The following XPO4 variants were observed in gnomAD, a reference collection of about 807,000 sequenced individuals.
XPO4 encodes exportin 4.
In XPO4, 39 loss-of-function variants were observed where a neutral mutation model predicts 143.0. The observed-to-expected ratio is 0.27, with a 90% CI of 0.21 to 0.36. The LOEUF is 0.36. Ranked by LOEUF, XPO4 falls within the 10% of genes least tolerant of loss-of-function variation. The pLI, the probability that XPO4 is intolerant of heterozygous loss-of-function variation, is 1.00. For synonymous variants in XPO4, 439 were observed against 474.0 expected (o/e 0.93, Z 0.96); for missense variants, 907 against 1,348.0 (o/e 0.67, Z 5.12).
Position 20,781,504 on chromosome 13 carries a change from C to G in XPO4, c.*2218G>C, listed in dbSNP as rs575134743. The G allele has an allele frequency of 1.8e-4, 27 of 152,674 alleles. No individual in the cohort carries two copies. Among genetic ancestry groups the G allele is most frequent in the African/African-American group, 6.5e-4 (27 of 41,550 alleles). The allele number at this position is 152,674 out of a possible 1,614,324, so 9.5% of individuals were successfully genotyped here. A position where few individuals can be genotyped will look rare whatever the true frequency, so the allele number is the denominator to read the frequency against. On this transcript the variant is annotated 3_prime_UTR_variant, in exon 23 of 23. Coordinates refer to ENST00000255305, the MANE Select transcript of XPO4 (RefSeq NM_022459.5). ...TGAAGAAGGTCTTTTTAAACTAAAA[C>G]TAGTCTAATGAAATTACACCTCAGG...
At position 20,898,736 on chromosome 13, in the gene XPO4, G is replaced by A. The variant is rs575686773; in HGVS notation, c.69+3934C>T. Among the ~76,000 whole-genome samples, 50 of 152,162 alleles carry A rather than the reference G, an allele frequency of 3.3e-4. 1 individual carries two copies. The highest frequency in any genetic ancestry group is 9.6e-4 in the African/African-American group (40 of 41,502). On this transcript the variant is annotated intron_variant, in intron 1 of 22. Coordinates refer to ENST00000255305, the MANE Select transcript of XPO4 (RefSeq NM_022459.5). ...GCAAATTCAAGACAATAAATAAAGC[G>A]CTCTTTGGACTGCAAATGAATGTGG...
intron 15 of XPO4, among the ~76,000 whole-genome samples, chr13:20,799,796 A>G (rs2059409064): frequency 6.6e-6 from 1 of 152,252 alleles, no homozygotes; most frequent in African/African-American, 2.4e-5. Context: ...ACTTTCCAAC[A>G]TTAAATTTTA....
chr13:20,821,627 G>C, intron 9 of XPO4, 77 bp downstream of exon 9: 2 of 1,447,526 alleles, frequency 1.4e-6, no homozygotes, highest in Non-Finnish European at 1.9e-6. Flanking sequence ...ATAATTACTT[G>C]TCATGAGAAA....
At chr13:20,866,548 G>C (rs764556339) in intron 2 of XPO4, among the ~76,000 whole-genome samples, 4 of 152,146 alleles carry the variant, frequency 2.6e-5, no homozygotes, top group Non-Finnish European at 4.4e-5. Context: ...TGTGCTGGTG[G>C]CAACTGAATA....
At position 20,843,817 on chromosome 13, in the gene XPO4, T is replaced by C. The variant is rs776781140; in HGVS notation, c.526A>G (p.Ile176Val). The stretch of plus-strand genomic sequence containing the variant: ...CCATGGAATTCCATGCTCAATCCAA[T>C]GTTGCTAGTTTTACTTGAACTTGAA... ...EFSSSSKTSN[I>V]GLSMEFHGNC... Residue 176 changes from isoleucine to valine, a missense_variant, in exon 5 of 23, where the codon ATT becomes GTT. Transcript: ENST00000255305. 4 of 1,613,370 alleles carry C rather than the reference T, an allele frequency of 2.5e-6. No individual in the cohort carries two copies. The highest frequency in any genetic ancestry group is 2.7e-5 in the African/African-American group (2 of 74,926).
chr13:20,849,637 G>A (rs1489869926), intron 4 of XPO4: 53 of 984,940 alleles, frequency 5.4e-5, no homozygotes, highest in Non-Finnish European at 6.3e-5. Context: ...CCACAAGCTT[G>A]AAATAACATT....
chr13:20,815,677 G>A lies in XPO4; in HGVS notation c.1174-5710C>T, dbSNP rs1377824124. 5.3e-5 allele frequency among the ~76,000 whole-genome samples: 8 copies of A among 152,262 alleles called. No homozygotes were observed. In the East Asian group the frequency reaches 9.6e-4, roughly 18 times the overall value. On this transcript the variant is annotated intron_variant, in intron 9 of 22. Transcript: ENST00000255305. ...ATCTTCATATGTAAACATAAATAAC[G>A]TGTTAGATATGTGATTCACAGACAA...
At chr13:20,880,625 T>C (rs533577633) in intron 1 of XPO4, among the ~76,000 whole-genome samples, 1 of 152,230 alleles carries the variant, frequency 6.6e-6, no homozygotes, top group South Asian at 2.1e-4. Context: ...AAACAAAACA[T>C]TGTATATTCA....
intron 1 of XPO4, among the ~76,000 whole-genome samples, chr13:20,895,396 C>T (rs1423323608): frequency 2.0e-5 from 3 of 152,102 alleles, no homozygotes; most frequent in Non-Finnish European, 4.4e-5. Flanking sequence ...CTTTGGGAGG[C>T]TGAAGCTGGC....
chr13:20,812,216 C>T (rs928752629), intron 9 of XPO4, among the ~76,000 whole-genome samples: 1 of 151,928 alleles, frequency 6.6e-6, no homozygotes, highest in Non-Finnish European at 1.5e-5. Context: ...ACTAAAAACA[C>T]AAAAATTAGC....
chr13:20,872,136 T>C (rs2060304860), intron 1 of XPO4, among the ~76,000 whole-genome samples: 1 of 151,840 alleles, frequency 6.6e-6, no homozygotes, highest in East Asian at 1.9e-4. Flanking sequence ...AGGCTGGGAG[T>C]CAAAACCAAA....
intron 20 of XPO4, 75 bp from the exon 21 acceptor site, chr13:20,787,673 A>G (rs1372394964): frequency 8.4e-7 from 1 of 1,191,238 alleles, no homozygotes; most frequent in Non-Finnish European, 1.2e-6. Flanking sequence ...TATAGCTAGT[A>G]TTAAATGGAT....
In XPO4 at chr13:20,783,442, T is replaced by A. The variant is rs775245233; in HGVS notation, c.*280A>T. 1.4e-4 allele frequency: 64 copies of A among 446,456 alleles called. No individual in the cohort carries two copies. The highest frequency in any genetic ancestry group is 4.4e-5 in the Non-Finnish European group (11 of 247,642). 27.7% of individuals were successfully genotyped at this position (446,456 alleles called of 1,614,324 possible). ...GCATATGTATTTCGTGGTGCCCATA[T>A]CTGTTTGCACATATATGGAATTTCA... is the stretch of plus-strand genomic sequence containing the variant. On this transcript the variant is annotated 3_prime_UTR_variant, in exon 23 of 23. Coordinates refer to ENST00000255305, the MANE Select transcript of XPO4 (RefSeq NM_022459.5).
intron 6 of XPO4, among the ~76,000 whole-genome samples, chr13:20,828,169 C>T (rs1317200233): frequency 1.3e-5 from 2 of 150,882 alleles, no homozygotes; most frequent in African/African-American, 2.4e-5. Context: ...AACACTCTCC[C>T]GCAGAGGTTG....
At position 20,851,408 on chromosome 13, in the gene XPO4, C is replaced by A. The variant is rs934672622; in HGVS notation, c.456+4219G>T. ...TTCCTACTATTACAGTAGTTCTCAG[C>A]CCTGGTATTAAAAATTTGACTTTAG... is the stretch of plus-strand genomic sequence containing the variant. On this transcript the variant is annotated intron_variant, in intron 4 of 22. Transcript: ENST00000255305. The A allele has an allele frequency of 2.4e-5, 24 of 985,186 alleles. No homozygotes were observed. The East Asian group carries it at 4.5e-4, about 19-fold the overall frequency. 61.0% of individuals were successfully genotyped at this position (985,186 alleles called of 1,614,324 possible).
chr13:20,827,304 T>A, intron 6 of XPO4, 125 bp from the exon 7 acceptor site: 2 of 659,746 alleles, frequency 3.0e-6, no homozygotes, highest in Non-Finnish European at 5.4e-6. Flanking sequence ...CCTCTTCACA[T>A]ATGCTACATA....
chr13:20,811,026 T>A (rs535863616), intron 9 of XPO4, among the ~76,000 whole-genome samples: 1 of 152,138 alleles, frequency 6.6e-6, no homozygotes, highest in South Asian at 2.1e-4. Flanking sequence ...TGAATGGAGC[T>A]AACATTTGGC....
intron 6 of XPO4, among the ~76,000 whole-genome samples, chr13:20,828,172 A>G (rs1399921582): frequency 6.6e-6 from 1 of 151,706 alleles, no homozygotes; most frequent in East Asian, 1.9e-4. Flanking sequence ...ACTCTCCCGC[A>G]GAGGTTGCAG....
chr13:20,777,392 AT>A lies in XPO4; in HGVS notation c.*6329del, dbSNP rs1215417854. 1 of 152,138 alleles carries A rather than the reference AT, an allele frequency of 6.6e-6. No individual in the cohort carries two copies. Among genetic ancestry groups the A allele is most frequent in the Non-Finnish European group, 1.5e-5 (1 of 68,024 alleles). 9.4% of individuals were successfully genotyped at this position (152,138 alleles called of 1,614,324 possible). ...ATTATATTTCATCCATCACTTTTAA[AT>A]TTTTTCTTTGGGAGGAACACTTATA... On this transcript the variant is annotated 3_prime_UTR_variant, in exon 23 of 23. Transcript: ENST00000255305.
Sources: allele counts gnomAD v4.1 joint callset (sites outside exome capture counted in the v4.1 genomes callset), GRCh38; gene constraint gnomAD v4.1.1; transcripts MANE v1.5; gene names NCBI Gene and HGNC (gene_info 2026-07-23, HGNC 2026-07-21).